Variants in AFF3 observed in about 807,000 individuals in gnomAD.
The protein encoded by AFF3 is AF4/FMR2 family member 3.
Under a neutral mutation model 129.7 loss-of-function variants are expected in AFF3, and 32 were observed. That is an observed-to-expected ratio of 0.25 (90% CI 0.19 to 0.33). The LOEUF (loss-of-function observed/expected upper bound fraction) is 0.33. Among genes scored for constraint, AFF3 ranks in the 10% least tolerant of loss-of-function variants. AFF3 has a pLI of 1.00. For synonymous variants in AFF3, 644 were observed against 635.4 expected (o/e 1.01, Z -0.20); for missense variants, 1,373 against 1,592.0 (o/e 0.86, Z 2.34).
intron 7 of AFF3, among the ~76,000 whole-genome samples, chr2:99,902,316 G>A (rs1291216741): frequency 6.6e-6 from 1 of 151,810 alleles, no homozygotes; most frequent in Non-Finnish European, 1.5e-5. Flanking sequence ...CTTTTTTATG[G>A]ACAAACTAAG....
intron 7 of AFF3, among the ~76,000 whole-genome samples, chr2:99,915,413 C>A (rs1695408998): frequency 6.6e-6 from 1 of 152,096 alleles, no homozygotes; most frequent in Non-Finnish European, 1.5e-5. Context: ...AAAAGCCATA[C>A]AAACCTGGCC....
At chr2:99,998,828 G>A (rs555058285) in intron 7 of AFF3, among the ~76,000 whole-genome samples, 10 of 152,294 alleles carry the variant, frequency 6.6e-5, no homozygotes, top group African/African-American at 2.4e-4. Context: ...AGAGAAAAAG[G>A]CTGAGAGACA....
chr2:100,035,594 G>A (rs905379566), intron 4 of AFF3, among the ~76,000 whole-genome samples: 5 of 152,144 alleles, frequency 3.3e-5, no homozygotes, highest in East Asian at 1.9e-4. Context: ...TCCACAATAC[G>A]GGCTTTATTT....
intron 4 of AFF3, among the ~76,000 whole-genome samples, chr2:100,050,063 T>A (rs1242417025): frequency 1.3e-5 from 2 of 151,820 alleles, no homozygotes; most frequent in African/African-American, 4.8e-5. Flanking sequence ...AATACAAAAA[T>A]TAGCCAGGCA....
chr2:99,588,806 G>C (rs1465063849), intron 15 of AFF3, among the ~76,000 whole-genome samples: 6 of 152,142 alleles, frequency 3.9e-5, no homozygotes, highest in African/African-American at 1.2e-4. Flanking sequence ...CAGGTCTATG[G>C]GGTCCCATCT....
intron 7 of AFF3, among the ~76,000 whole-genome samples, chr2:99,897,172 A>G (rs995885927): frequency 2.0e-5 from 3 of 152,216 alleles, no homozygotes; most frequent in Non-Finnish European, 4.4e-5. Context: ...AATTCAACTA[A>G]TTTACCATAA....
intron 7 of AFF3, among the ~76,000 whole-genome samples, chr2:99,843,434 A>G (rs1449803647): frequency 6.6e-6 from 1 of 152,238 alleles, no homozygotes; most frequent in Non-Finnish European, 1.5e-5. Flanking sequence ...AGGAAAATGC[A>G]AAGGAAAAAT....
chr2:99,989,194 T>A (rs948856593), intron 7 of AFF3, among the ~76,000 whole-genome samples: 6 of 152,148 alleles, frequency 3.9e-5, no homozygotes, highest in Admixed American at 2.0e-4. Context: ...TGCAAAAATA[T>A]CCACATAGGC....
chr2:99,720,773 C>T (rs1678819172), intron 11 of AFF3, among the ~76,000 whole-genome samples: 1 of 152,284 alleles, frequency 6.6e-6, no homozygotes, highest in East Asian at 1.9e-4. Flanking sequence ...TTAATTCCTA[C>T]AATGACTTCT....
At chr2:99,658,378 C>T (rs1380003743) in intron 12 of AFF3, among the ~76,000 whole-genome samples, 2 of 151,934 alleles carry the variant, frequency 1.3e-5, no homozygotes, top group Non-Finnish European at 2.9e-5. Flanking sequence ...AGACCATGAC[C>T]ATGTGTGAGG....
intron 8 of AFF3, among the ~76,000 whole-genome samples, chr2:99,761,086 A>T (rs1682545194): frequency 6.6e-6 from 1 of 151,496 alleles, no homozygotes; most frequent in East Asian, 1.9e-4. Flanking sequence ...ACTCCAGGTG[A>T]TGGAACTGAG....
chr2:99,867,952 T>A (rs1473756543), intron 7 of AFF3, among the ~76,000 whole-genome samples: 2 of 151,858 alleles, frequency 1.3e-5, no homozygotes, highest in Non-Finnish European at 2.9e-5. Context: ...GAGGGAGAGA[T>A]TAGCGTTCCC....
intron 3 of AFF3, chr2:100,104,768 C>T (rs1416500693): frequency 2.2e-5 from 21 of 939,946 alleles, no homozygotes; most frequent in Non-Finnish European, 2.5e-5. Context: ...CCCTCCTCCC[C>T]TCCCTCGCGG....
At chr2:99,654,496 G>A (rs967404303) in intron 12 of AFF3, among the ~76,000 whole-genome samples, 2 of 152,118 alleles carry the variant, frequency 1.3e-5, no homozygotes, top group Non-Finnish European at 2.9e-5. Flanking sequence ...GAAAAAATTA[G>A]GTGACTCATG....
chr2:99,821,404 G>A (rs1055217662), intron 8 of AFF3, among the ~76,000 whole-genome samples: 1 of 151,990 alleles, frequency 6.6e-6, no homozygotes, highest in African/African-American at 2.4e-5. Flanking sequence ...GGGTATACTG[G>A]AAGAAGAACA....
rs371875737 is a variant in AFF3 at position 99,801,666 on chromosome 2, C to T, written c.921+35811G>A. Among the ~76,000 whole-genome samples, 456 of 152,300 alleles carry T rather than the reference C, an allele frequency of 3.0e-3. 2 individuals are homozygous for T. The highest frequency in any genetic ancestry group is 0.01 in the African/African-American group (436 of 41,570). The stretch of plus-strand genomic sequence containing the variant: ...GGCTGCTGTGCTAAAAAGTTTTCAC[C>T]ATGTCACTAGCTTGACATCTACTTT... On this transcript the variant is annotated intron_variant, in intron 8 of 24. Coordinates refer to ENST00000672756, the MANE Select transcript of AFF3 (RefSeq NM_001386135.1).
chr2:99,555,204 A>G (rs1372475138), intron 22 of AFF3, among the ~76,000 whole-genome samples: 1 of 152,192 alleles, frequency 6.6e-6, no homozygotes, highest in African/African-American at 2.4e-5. Flanking sequence ...TAAATCTTGA[A>G]GCAGCCTTAC....
intron 7 of AFF3, among the ~76,000 whole-genome samples, chr2:99,868,033 A>G (rs76136744): frequency 1.2e-5 from 1 of 82,998 alleles, no homozygotes; most frequent in South Asian, 3.8e-4. Flanking sequence ...TTTTTTTTTT[A>G]GGTCCTTTGA....
chr2:99,768,241 C>CA (rs77240287), intron 8 of AFF3, among the ~76,000 whole-genome samples: 13 of 151,586 alleles, frequency 8.6e-5, no homozygotes, highest in Admixed American at 1.3e-4. Flanking sequence ...TTAAACATTG[C>CA]AAAAAAAATA....
Sources: allele counts gnomAD v4.1 joint callset (sites outside exome capture counted in the v4.1 genomes callset), GRCh38; gene constraint gnomAD v4.1.1; transcripts MANE v1.5; gene names NCBI Gene and HGNC (gene_info 2026-07-23, HGNC 2026-07-21).